ESRRG: variants seen among roughly 807,000 people sequenced by gnomAD.
ESRRG encodes the protein estrogen-related receptor gamma.
A neutral mutation model predicts 44.0 loss-of-function variants in ESRRG; 13 were observed. That is an observed-to-expected ratio of 0.30 (90% CI 0.19 to 0.47). ESRRG has a LOEUF of 0.47. Ranked by LOEUF, ESRRG falls within the 20% of genes least tolerant of loss-of-function variation. The probability of loss-of-function intolerance (pLI) is 1.00; values close to 1 mark genes in which losing one functional copy is unlikely to be tolerated. For missense variants in ESRRG, 395 were observed against 580.6 expected (o/e 0.68, Z 3.29); for synonymous variants, 215 against 214.6 (o/e 1.00, Z -0.02).
At chr1:217,089,793 G>C (rs2092302122), upstream of ESRRG, 1 of 152,130 alleles carries the variant, frequency 6.6e-6, no homozygotes, top group Non-Finnish European at 1.5e-5. Flanking sequence ...TCACCGAGCC[G>C]GGCTGCGAGG....
At chr1:216,729,250 T>A (rs1247645162) in intron 2 of ESRRG, among the ~76,000 whole-genome samples, 1 of 152,212 alleles carries the variant, frequency 6.6e-6, no homozygotes, top group Non-Finnish European at 1.5e-5. Context: ...TTGTGCCAGT[T>A]GTCCTAGCAT....
chr1:216,677,135 T>A lies in ESRRG; in HGVS notation c.413A>T (p.Tyr138Phe). The change falls in exon 2 of 7, where the codon TAC becomes TTC. Residue 138 changes from tyrosine to phenylalanine, a missense_variant. Tyr to Phe is a conservative substitution (Grantham distance 22). This residue lies in a region of ESRRG where 35 missense variants were observed against 120.1 expected (regional missense o/e 0.29). Coordinates refer to ENST00000408911, the MANE Select transcript of ESRRG (RefSeq NM_001438.4). ...CLVCGDIASG[Y>F]HYGVASCEAC... ...TTCACATGATGCTACCCCATAGTGG[T>A]ACCCAGAAGCGATGTCACCACACAC... is the stretch of plus-strand genomic sequence containing the variant. 4 of 1,614,150 alleles carry A rather than the reference T, an allele frequency of 2.5e-6. No individual in the cohort carries two copies. The highest frequency in any genetic ancestry group is 3.4e-6 in the Non-Finnish European group (4 of 1,179,984).
intron 2 of ESRRG, among the ~76,000 whole-genome samples, chr1:216,760,484 T>A (rs2092711340): frequency 6.6e-6 from 1 of 152,006 alleles, no homozygotes; most frequent in Admixed American, 6.6e-5. Context: ...GCATCTGTAG[T>A]CCCAGCTACT....
chr1:217,137,560 G>T, intron 1 of ESRRG: 1 of 152,320 alleles, frequency 6.6e-6, no homozygotes, highest in Admixed American at 6.5e-5. Flanking sequence ...CCGCCTGTCG[G>T]TCCCGGTCCC....
chr1:216,860,338 C>G (rs1464321562), intron 2 of ESRRG, among the ~76,000 whole-genome samples: 2 of 152,008 alleles, frequency 1.3e-5, no homozygotes, highest in Non-Finnish European at 2.9e-5. Context: ...ATTATTATAA[C>G]TATATTTTAT....
intron 2 of ESRRG, among the ~76,000 whole-genome samples, chr1:216,881,972 T>TG (rs936382239): frequency 6.6e-6 from 1 of 151,620 alleles, no homozygotes; most frequent in Non-Finnish European, 1.5e-5. Flanking sequence ...GCACTGGGTT[T>TG]TTTTTTTTTT....
intron 1 of ESRRG, among the ~76,000 whole-genome samples, chr1:217,086,573 C>CAGCCAA: frequency 6.6e-6 from 1 of 152,262 alleles, no homozygotes; most frequent in African/African-American, 2.4e-5. Flanking sequence ...GAGTAGTAAG[C>CAGCCAA]TTAGTTTACA....
intron 2 of ESRRG, among the ~76,000 whole-genome samples, chr1:216,760,393 C>T (rs78568448): frequency 0.023 from 3,445 of 150,716 alleles, 58 homozygotes; most frequent in Non-Finnish European, 0.031. Flanking sequence ...TGACAATATA[C>T]GACTATATAT....
At chr1:217,112,141 G>A (rs946624964) in intron 1 of ESRRG, among the ~76,000 whole-genome samples, 2 of 152,124 alleles carry the variant, frequency 1.3e-5, no homozygotes, top group Non-Finnish European at 2.9e-5. Flanking sequence ...AGAGAACCCA[G>A]GCAAGAACTA....
At chr1:216,921,578 A>AGGT (rs543048503) in intron 2 of ESRRG, among the ~76,000 whole-genome samples, 1,550 of 152,240 alleles carry the variant, frequency 0.01, 35 homozygotes, top group African/African-American at 0.036. Flanking sequence ...CCAGACACCT[A>AGGT]GGTGGCTGCT....
chr1:217,071,864 G>A (rs779654096), intron 1 of ESRRG, among the ~76,000 whole-genome samples: 20 of 152,098 alleles, frequency 1.3e-4, no homozygotes, highest in Non-Finnish European at 2.5e-4. Flanking sequence ...CTAGGTCATC[G>A]CAGATACATG....
intron 1 of ESRRG, among the ~76,000 whole-genome samples, chr1:217,032,400 A>G (rs1019992530): frequency 6.6e-6 from 1 of 152,166 alleles, no homozygotes; most frequent in African/African-American, 2.4e-5. Context: ...ATAAAACAAT[A>G]GACTCAAAGA....
chr1:217,103,691 A>G (rs956573389), intron 1 of ESRRG, among the ~76,000 whole-genome samples: 3 of 151,768 alleles, frequency 2.0e-5, no homozygotes, highest in Non-Finnish European at 4.4e-5. Flanking sequence ...TAATTAATTA[A>G]AAGAATTTTT....
chr1:217,106,548 TA>T (rs1347569596), intron 1 of ESRRG, among the ~76,000 whole-genome samples: 4 of 152,174 alleles, frequency 2.6e-5, no homozygotes, highest in African/African-American at 9.7e-5. Flanking sequence ...AACTGGATAT[TA>T]AGGAAGAAGA....
intron 1 of ESRRG, among the ~76,000 whole-genome samples, chr1:217,085,211 G>C (rs1341916798): frequency 6.6e-6 from 1 of 151,960 alleles, no homozygotes; most frequent in Non-Finnish European, 1.5e-5. Flanking sequence ...TTTTTATCAG[G>C]AACATACTAC....
rs561489566 is a variant in ESRRG at position 216,562,803 on chromosome 1, C to A, written c.862+1416G>T. Among the ~76,000 whole-genome samples, 3 of 152,212 alleles carry A rather than the reference C, an allele frequency of 2.0e-5. No individual in the cohort carries two copies. In the South Asian group the frequency reaches 6.2e-4, roughly 32 times the overall value. On this transcript the variant is annotated intron_variant, in intron 5 of 6. Coordinates refer to ENST00000408911, the MANE Select transcript of ESRRG (RefSeq NM_001438.4). ...AAAAAAGTGTCTATGGACACTTCAA[C>A]AAATGTGAGTCTTGTTTCTTTCATC...
intron 2 of ESRRG, among the ~76,000 whole-genome samples, chr1:216,792,261 C>T (rs997316467): frequency 1.3e-5 from 2 of 152,098 alleles, no homozygotes; most frequent in Admixed American, 6.6e-5. Context: ...CTCTATCAGG[C>T]CTTTTTCTCC....
intron 5 of ESRRG, among the ~76,000 whole-genome samples, chr1:216,525,519 TAA>T (rs1433424481): frequency 4.2e-5 from 3 of 71,056 alleles, no homozygotes; most frequent in Non-Finnish European, 2.5e-5. Flanking sequence ...TGAGCTGCCT[TAA>T]GTTAAAGAGG....
At chr1:216,865,502 C>T (rs2096139691) in intron 2 of ESRRG, among the ~76,000 whole-genome samples, 1 of 151,952 alleles carries the variant, frequency 6.6e-6, no homozygotes. Flanking sequence ...GCCAAGCTTC[C>T]TACCTGGCTT....
Sources: gnomAD v4.1 joint callset for allele counts (sites outside exome capture counted in the v4.1 genomes callset) on GRCh38, gnomAD v4.1.1 for gene constraint, gnomAD v4.1.1 regional missense constraint, MANE v1.5 for transcripts, NCBI Gene and HGNC (gene_info 2026-07-23, HGNC 2026-07-21) for gene names.